The following NXPH2 variants were observed in gnomAD, a reference collection of about 807,000 sequenced individuals.
NXPH2 encodes the protein neurexophilin-2.
Under a neutral mutation model 19.8 loss-of-function variants are expected in NXPH2, and 5 were observed. The ratio of observed to expected loss-of-function variants is 0.25; its 90% confidence interval spans 0.13 to 0.53. The LOEUF is 0.53. Among genes scored for constraint, NXPH2 ranks in the 20% least tolerant of loss-of-function variants. The pLI is 0.96. For missense variants in NXPH2, 289 were observed against 322.8 expected (o/e 0.90, Z 0.80); for synonymous variants, 154 against 127.4 (o/e 1.21, Z -1.41).
In NXPH2 at chr2:138,780,267, G is replaced by T. The variant is rs1382852696; in HGVS notation, c.-26C>A. ...GGTGCCGGCTGGCGCGGCTTTTCAC[G>T]AGCTGCGCGCCCTCGCCTGCCTCTC... On this transcript the variant is annotated 5_prime_UTR_variant, in exon 1 of 2. It introduces an in-frame stop codon into an upstream open reading frame of the 5' UTR. Coordinates refer to ENST00000272641, the MANE Select transcript of NXPH2 (RefSeq NM_007226.3). 7.1e-7 allele frequency: 1 copy of T among 1,414,792 alleles called. No homozygotes were observed. 87.6% of individuals were successfully genotyped at this position (1,414,792 alleles called of 1,614,324 possible).
chr2:138,689,387 C>T (rs1021054418), intron 1 of NXPH2, among the ~76,000 whole-genome samples: 1 of 152,114 alleles, frequency 6.6e-6, no homozygotes, highest in Non-Finnish European at 1.5e-5. Context: ...AAGAATGGTT[C>T]TGGAAAATAA....
intron 1 of NXPH2, among the ~76,000 whole-genome samples, chr2:138,747,558 A>G (rs903320618): frequency 2.0e-5 from 3 of 151,986 alleles, no homozygotes; most frequent in African/African-American, 7.2e-5. Flanking sequence ...AGAAAATGGC[A>G]CCCTTGTAAC....
chr2:138,703,584 C>A (rs1483459598), intron 1 of NXPH2, among the ~76,000 whole-genome samples: 1 of 152,160 alleles, frequency 6.6e-6, no homozygotes, highest in Non-Finnish European at 1.5e-5. Flanking sequence ...CAGGTTCTAA[C>A]CACACTGAGC....
chr2:138,776,322 AT>A (rs1197519336), intron 1 of NXPH2, among the ~76,000 whole-genome samples: 1 of 152,088 alleles, frequency 6.6e-6, no homozygotes, highest in African/African-American at 2.4e-5. Context: ...TTACAAAAAA[AT>A]ACAGAACAAA....
At chr2:138,777,327 A>AT (rs1682278906) in intron 1 of NXPH2, among the ~76,000 whole-genome samples, 1 of 152,120 alleles carries the variant, frequency 6.6e-6, no homozygotes, top group Non-Finnish European at 1.5e-5. Context: ...CTGAATAAGA[A>AT]TTTTTAAAAA....
chr2:138,759,876 C>A (rs1681981576), intron 1 of NXPH2, among the ~76,000 whole-genome samples: 1 of 151,892 alleles, frequency 6.6e-6, no homozygotes, highest in African/African-American at 2.4e-5. Context: ...ACTATAGGCA[C>A]CTGCCACCAC....
At chr2:138,736,098 G>T (rs927632549) in intron 1 of NXPH2, among the ~76,000 whole-genome samples, 1 of 152,184 alleles carries the variant, frequency 6.6e-6, no homozygotes, top group Non-Finnish European at 1.5e-5. Context: ...GCTTTTCCAG[G>T]TGCACAGTGC....
chr2:138,773,161 C>T (rs891562171), intron 1 of NXPH2, among the ~76,000 whole-genome samples: 1 of 152,190 alleles, frequency 6.6e-6, no homozygotes, highest in Non-Finnish European at 1.5e-5. Context: ...TAAAACAGAA[C>T]AGTAAGTTAT....
chr2:138,671,099 G>A lies in NXPH2; in HGVS notation c.618C>T (p.Asp206=), dbSNP rs1680405705. 6.2e-7 allele frequency: 1 copy of A among 1,613,918 alleles called. No individual in the cohort carries two copies. Among genetic ancestry groups the A allele is most frequent in the Non-Finnish European group, 8.5e-7 (1 of 1,179,848 alleles). The stretch of plus-strand genomic sequence containing the variant: ...GCTCCTGGTAGCAGATCTTGGATGG[G>A]TCAAAGTTGCACAGGGCGGTCTTTT... ...RAKKTALCNF[D]PSKICYQEQT... The change falls in exon 2 of 2, where the codon GAC becomes GAT. Residue 206 remains aspartate (D), a synonymous_variant. Coordinates refer to ENST00000272641, the MANE Select transcript of NXPH2 (RefSeq NM_007226.3).
chr2:138,692,266 C>T (rs980453228), intron 1 of NXPH2, among the ~76,000 whole-genome samples: 1 of 152,188 alleles, frequency 6.6e-6, no homozygotes. Flanking sequence ...TTTTCCTGAA[C>T]ACTGTCACAT....
chr2:138,721,635 T>G (rs1327608620), intron 1 of NXPH2, among the ~76,000 whole-genome samples: 3 of 151,974 alleles, frequency 2.0e-5, no homozygotes, highest in African/African-American at 4.8e-5. Flanking sequence ...AGAGATATGA[T>G]GTATGTAGGG....
intron 1 of NXPH2, among the ~76,000 whole-genome samples, chr2:138,713,797 A>G (rs1458994893): frequency 6.6e-6 from 1 of 152,154 alleles, no homozygotes; most frequent in Non-Finnish European, 1.5e-5. Flanking sequence ...CAACGTACTC[A>G]TCAGGGGAAT....
At position 138,670,683 on chromosome 2, in the gene NXPH2, A is replaced by T. The variant is rs1222060164; in HGVS notation, c.*239T>A. On this transcript the variant is annotated 3_prime_UTR_variant, in exon 2 of 2. Coordinates refer to ENST00000272641, the MANE Select transcript of NXPH2 (RefSeq NM_007226.3). ...GATTTCTAGAACTTAGTCATCTTGC[A>T]TGAAAGTGATGGTTTCATAAACAGT... 2.6e-6 allele frequency: 1 copy of T among 382,606 alleles called. No homozygotes were observed. The highest frequency in any genetic ancestry group is 4.6e-6 in the Non-Finnish European group (1 of 215,344). The allele number at this position is 382,606 out of a possible 1,614,324, so 23.7% of individuals were successfully genotyped here.
At chr2:138,761,303 T>G (rs1220020907) in intron 1 of NXPH2, among the ~76,000 whole-genome samples, 1 of 152,184 alleles carries the variant, frequency 6.6e-6, no homozygotes, top group Non-Finnish European at 1.5e-5. Flanking sequence ...ATTGATGTCA[T>G]CTGATCTCAT....
chr2:138,700,901 G>A (rs975042213), intron 1 of NXPH2, among the ~76,000 whole-genome samples: 1 of 152,082 alleles, frequency 6.6e-6, no homozygotes, highest in African/African-American at 2.4e-5. Flanking sequence ...TTTCACATCT[G>A]TTCTCATCCC....
intron 1 of NXPH2, among the ~76,000 whole-genome samples, 155 bp downstream of exon 1, chr2:138,780,036 G>A (rs921651014): frequency 6.6e-6 from 1 of 152,016 alleles, no homozygotes; most frequent in African/African-American, 2.4e-5. Flanking sequence ...CTTCCCTTTC[G>A]ACCTCTAAGG....
chr2:138,692,019 A>T (rs750198749), intron 1 of NXPH2, among the ~76,000 whole-genome samples: 21 of 152,202 alleles, frequency 1.4e-4, no homozygotes, highest in Non-Finnish European at 2.1e-4. Context: ...CTATGAAGTG[A>T]GGTGATAGCG....
chr2:138,759,791 G>T (rs1336973828), intron 1 of NXPH2, among the ~76,000 whole-genome samples: 1 of 147,514 alleles, frequency 6.8e-6, no homozygotes, highest in African/African-American at 2.5e-5. Flanking sequence ...GTGCAGTAGC[G>T]CAATCTCGGC....
chr2:138,729,247 T>C (rs1437948521), intron 1 of NXPH2, among the ~76,000 whole-genome samples: 2 of 152,172 alleles, frequency 1.3e-5, no homozygotes, highest in Non-Finnish European at 2.9e-5. Flanking sequence ...AATTGAATCA[T>C]GGGGGTGGTT....
Sources: allele counts gnomAD v4.1 joint callset (sites outside exome capture counted in the v4.1 genomes callset), GRCh38; gene constraint gnomAD v4.1.1; transcripts MANE v1.5; gene names NCBI Gene and HGNC (gene_info 2026-07-23, HGNC 2026-07-21).